The following NAV3 variants were observed in gnomAD, a reference collection of about 807,000 sequenced individuals.
NAV3 encodes the protein neuron navigator 3.
A neutral mutation model predicts 244.7 loss-of-function variants in NAV3; 87 were observed. That is an observed-to-expected ratio of 0.36 (90% CI 0.30 to 0.42). NAV3 has a LOEUF of 0.42. NAV3 is among the 20% of genes least tolerant of loss of function. The probability of loss-of-function intolerance (pLI) is 1.00; values close to 1 mark genes in which losing one functional copy is unlikely to be tolerated. For synonymous variants in NAV3, 1,126 were observed against 1,042.2 expected, an observed-to-expected ratio of 1.08 and a Z score of -1.55; for missense variants, 2,663 against 2,893.3, an observed-to-expected ratio of 0.92 and a Z score of 1.83.
At chr12:78,016,425 A>G (rs1345172715) in intron 8 of NAV3, among the ~76,000 whole-genome samples, 2 of 151,996 alleles carry the variant, frequency 1.3e-5, no homozygotes, top group South Asian at 2.1e-4. Flanking sequence ...TTTGTCAACC[A>G]TGAGAAACTT....
intron 2 of NAV3, among the ~76,000 whole-genome samples, chr12:77,706,882 A>G (rs1296508862): frequency 7.0e-6 from 1 of 142,614 alleles, no homozygotes; most frequent in Non-Finnish European, 1.5e-5. Flanking sequence ...AAAAAAAAAA[A>G]AAAAAAAAAA....
intron 2 of NAV3, among the ~76,000 whole-genome samples, chr12:77,683,382 T>C (rs1874561696): frequency 6.6e-6 from 1 of 152,102 alleles, no homozygotes; most frequent in Non-Finnish European, 1.5e-5. Flanking sequence ...ATGTGTTTTT[T>C]TTTGCCAGTA....
At chr12:77,667,861 A>G (rs1873788860) in intron 2 of NAV3, among the ~76,000 whole-genome samples, 1 of 152,126 alleles carries the variant, frequency 6.6e-6, no homozygotes. Flanking sequence ...CTGGTGCACT[A>G]AACAGAAATA....
rs1177196069 is a variant in NAV3, at chr12:78,122,317, T to C, written c.4127T>C (p.Ile1376Thr). 1 of 1,614,128 alleles carries C rather than the reference T, an allele frequency of 6.2e-7. No homozygotes were observed. Among genetic ancestry groups the C allele is most frequent in the South Asian group, 1.1e-5 (1 of 91,076 alleles). The part of the protein sequence containing the change: ...MTSLHTSSES[I>T]DLPLSHHGSL... The stretch of plus-strand genomic sequence containing the variant: ...AGCCTCCACACGAGCTCTGAGTCCA[T>C]TGACCTCCCCCTCAGCCATCATGGC... The change falls in exon 16 of 40, where the codon ATT (isoleucine) becomes ACT (threonine). Residue 1376 changes from isoleucine to threonine, a missense_variant. Coordinates refer to ENST00000397909, the MANE Select transcript of NAV3 (RefSeq NM_001024383.2).
At chr12:78,068,968 C>A (rs1220001080) in intron 12 of NAV3, among the ~76,000 whole-genome samples, 1 of 150,828 alleles carries the variant, frequency 6.6e-6, no homozygotes, top group Admixed American at 6.6e-5. Context: ...AAGAACTAGG[C>A]ATGAATTCTT....
intron 2 of NAV3, among the ~76,000 whole-genome samples, chr12:77,633,230 G>C (rs1283504945): frequency 6.6e-6 from 1 of 151,964 alleles, no homozygotes; most frequent in East Asian, 1.9e-4. Flanking sequence ...TAATACTCCT[G>C]TAAATCCGTA....
intron 3 of NAV3, among the ~76,000 whole-genome samples, chr12:77,954,978 C>A (rs1891232688): frequency 6.6e-6 from 1 of 151,998 alleles, no homozygotes; most frequent in Non-Finnish European, 1.5e-5. Flanking sequence ...TAAGATCAAG[C>A]TTGACCCTTA....
intron 12 of NAV3, among the ~76,000 whole-genome samples, chr12:78,062,771 C>A (rs1458741261): frequency 6.6e-6 from 1 of 152,070 alleles, no homozygotes; most frequent in Non-Finnish European, 1.5e-5. Flanking sequence ...TGGTTCCCAA[C>A]TACTTTTGCC....
At position 77,998,438 on chromosome 12, in the gene NAV3, A is replaced by G. The variant is rs748899312; in HGVS notation, c.842A>G (p.Lys281Arg). The change falls in exon 7 of 40, where the codon AAA becomes AGA. Residue 281 changes from lysine (K) to arginine (R), a missense_variant. This residue lies in a region of NAV3 where 1,521 missense variants were observed against 1,497.0 expected (regional missense o/e 1.02). Coordinates refer to ENST00000397909, the MANE Select transcript of NAV3 (RefSeq NM_001024383.2). ...RRSQSFNSIDKNKPPNYANGN... is the reference protein window; with the variant it reads ...RRSQSFNSIDRNKPPNYANGN... ...AGTCAGAGCTTTAACAGCATTGACAAAAACAAGCCTCCAAATTATGCAAAT... is the reference window on the plus strand; with the variant it reads ...AGTCAGAGCTTTAACAGCATTGACAGAAACAAGCCTCCAAATTATGCAAAT... 6.2e-7 allele frequency: 1 copy of G among 1,611,890 alleles called. No homozygotes were observed. The highest frequency in any genetic ancestry group is 2.2e-5 in the East Asian group (1 of 44,716).
At chr12:78,088,502 C>A (rs770066509) in intron 12 of NAV3, among the ~76,000 whole-genome samples, 31 of 151,876 alleles carry the variant, frequency 2.0e-4, no homozygotes, top group Non-Finnish European at 4.3e-4. Flanking sequence ...TGTTGACATG[C>A]GCTATTGTAA....
chr12:78,136,332 T>G (rs1052170303), intron 18 of NAV3, among the ~76,000 whole-genome samples: 2 of 152,238 alleles, frequency 1.3e-5, no homozygotes, highest in Non-Finnish European at 2.9e-5. Flanking sequence ...TGTTTTGCTT[T>G]TATTCCAAAT....
At chr12:77,963,670 C>G (rs1892233970) in intron 3 of NAV3, among the ~76,000 whole-genome samples, 1 of 152,104 alleles carries the variant, frequency 6.6e-6, no homozygotes, top group Admixed American at 6.6e-5. Context: ...AACTTAGCTA[C>G]TCAGGCAATA....
chr12:78,186,941 A>G lies in NAV3; in HGVS notation c.5790+1243A>G, dbSNP rs551265235. 9.5e-4 allele frequency among the ~76,000 whole-genome samples: 144 copies of G among 151,944 alleles called. 1 individual carries two copies. The highest frequency in any genetic ancestry group is 1.6e-3 in the Admixed American group (24 of 15,204). Reference sequence around the variant, plus strand: ...TAGGTAGGAAGAGAGAAAGACTACAAATCCTGAATTATCTACTTTACCCAG... The same window carrying G: ...TAGGTAGGAAGAGAGAAAGACTACAGATCCTGAATTATCTACTTTACCCAG... On this transcript the variant is annotated intron_variant, in intron 31 of 39. Coordinates refer to ENST00000397909, the MANE Select transcript of NAV3 (RefSeq NM_001024383.2).
Position 78,210,631 on chromosome 12 carries a change from A to T in NAV3, c.*114A>T. 5.5e-6 allele frequency: 7 copies of T among 1,278,572 alleles called. No homozygotes were observed. Among genetic ancestry groups the T allele is most frequent in the Non-Finnish European group, 7.5e-6 (7 of 937,632 alleles). The allele number at this position is 1,278,572 out of a possible 1,614,324, so 79.2% of individuals were successfully genotyped here. On this transcript the variant is annotated 3_prime_UTR_variant, in exon 40 of 40. Coordinates refer to ENST00000397909, the MANE Select transcript of NAV3 (RefSeq NM_001024383.2). ...AGCACCCTGTCAAGGGCCCTGACCC[A>T]GAGTTGTGGTCTCCAAGGAGGCAGC...
intron 18 of NAV3, among the ~76,000 whole-genome samples, chr12:78,134,513 A>G (rs1306987188): frequency 6.6e-6 from 1 of 152,230 alleles, no homozygotes; most frequent in Non-Finnish European, 1.5e-5. Context: ...ACAGCTCTTC[A>G]TATTTAAAAC....
chr12:78,159,348 A>C, intron 23 of NAV3, 62 bp downstream of exon 23: 1 of 1,353,286 alleles, frequency 7.4e-7, no homozygotes, highest in East Asian at 2.3e-5. Context: ...GGATTCTTAA[A>C]TAATACCTGA....
At position 78,212,831 on chromosome 12, in the gene NAV3, C is replaced by T. The variant is rs1399129692; in HGVS notation, c.*2314C>T. 1 of 152,554 alleles carries T rather than the reference C, an allele frequency of 6.6e-6. No individual in the cohort carries two copies. The highest frequency in any genetic ancestry group is 1.5e-5 in the Non-Finnish European group (1 of 68,008). 9.5% of individuals were successfully genotyped at this position (152,554 alleles called of 1,614,324 possible). ...TAAATCATCTGAAAAGTTTTGTAGT[C>T]TTTGTAAAGCCCCAACAATAAGTAC... On this transcript the variant is annotated 3_prime_UTR_variant, in exon 40 of 40. Transcript: ENST00000397909.
At position 78,179,547 on chromosome 12, in the gene NAV3, A is replaced by T; in HGVS notation, c.5382A>T (p.Glu1794Asp). The T allele has an allele frequency of 6.2e-7, 1 of 1,613,310 alleles. No homozygotes were observed. The highest frequency in any genetic ancestry group is 8.5e-7 in the Non-Finnish European group (1 of 1,179,498). ...KHRSRICECT[E>D]AEAEIILQLK... ...TCTTCAGGATCTGTGAATGCACAGAAGCTGAGGCAGAGATAATTCTGCAGC... is the reference window on the plus strand; with the variant it reads ...TCTTCAGGATCTGTGAATGCACAGATGCTGAGGCAGAGATAATTCTGCAGC... The change falls in exon 29 of 40, where the codon GAA (glutamate) becomes GAT (aspartate). Residue 1794 changes from glutamate to aspartate, a missense_variant. Transcript: ENST00000397909.
intron 2 of NAV3, among the ~76,000 whole-genome samples, chr12:77,575,918 C>G (rs1869059076): frequency 6.6e-6 from 1 of 152,122 alleles, no homozygotes; most frequent in Non-Finnish European, 1.5e-5. Context: ...TATTTTGTTG[C>G]TGTATTCCGT....
Sources: allele counts gnomAD v4.1 joint callset (sites outside exome capture counted in the v4.1 genomes callset), GRCh38; gene constraint gnomAD v4.1.1; regional missense constraint gnomAD v4.1.1; transcripts MANE v1.5; gene names NCBI Gene and HGNC (gene_info 2026-07-23, HGNC 2026-07-21).